The following CTNNA1 variants were observed in gnomAD, a reference collection of about 807,000 sequenced individuals.
CTNNA1 encodes catenin alpha-1.
A neutral mutation model predicts 98.4 loss-of-function variants in CTNNA1; 37 were observed. The ratio of observed to expected loss-of-function variants is 0.38; its 90% CI spans 0.29 to 0.49. CTNNA1 has a LOEUF of 0.49. CTNNA1 is among the 20% of genes least tolerant of loss of function. The pLI, the probability that CTNNA1 is intolerant of heterozygous loss-of-function variation, is 0.95. For synonymous variants in CTNNA1, 404 were observed against 413.2 expected (o/e 0.98, Z 0.27); for missense variants, 761 against 1,147.2 (o/e 0.66, Z 4.86).
At chr5:138,825,486 T>TTTTTTTTGTTTG (rs1554085160) in intron 6 of CTNNA1, among the ~76,000 whole-genome samples, 1 of 100,464 alleles carries the variant, frequency 1.0e-5, no homozygotes, top group Non-Finnish European at 2.1e-5. Context: ...GTATAAGTTT[T>TTTTTTTTGTTTG]TTTTTTTTTT....
At chr5:138,840,819 T>C (rs891976750) in intron 7 of CTNNA1, among the ~76,000 whole-genome samples, 8 of 152,346 alleles carry the variant, frequency 5.3e-5, no homozygotes, top group African/African-American at 1.9e-4. Flanking sequence ...ATTAAACAAA[T>C]TGGGTTTGTG....
intron 3 of CTNNA1, among the ~76,000 whole-genome samples, chr5:138,792,781 G>A (rs1756520848): frequency 6.6e-6 from 1 of 152,194 alleles, no homozygotes; most frequent in Non-Finnish European, 1.5e-5. Context: ...TGATGCTCTG[G>A]AAGAGCAGTA....
chr5:138,841,966 G>C (rs923827648), intron 7 of CTNNA1, among the ~76,000 whole-genome samples: 2 of 152,168 alleles, frequency 1.3e-5, no homozygotes, highest in African/African-American at 2.4e-5. Flanking sequence ...TGGTTTTATA[G>C]ATTCAAACAT....
In CTNNA1 at chr5:138,932,564, T is replaced by C. The variant is rs771565378; in HGVS notation, c.2299-14T>C. ...AGGCCAGGATACTTGGTGTTAAGCCTGCTCTCTCTTCAGTGCCCCGACTCG... is the reference window on the plus strand; with the variant it reads ...AGGCCAGGATACTTGGTGTTAAGCCCGCTCTCTCTTCAGTGCCCCGACTCG... On this transcript the variant is annotated splice_polypyrimidine_tract_variant and intron_variant, in intron 16 of 17. Transcript: ENST00000302763. 6.2e-7 allele frequency: 1 copy of C among 1,613,964 alleles called. No homozygotes were observed. Among genetic ancestry groups the C allele is most frequent in the South Asian group, 1.1e-5 (1 of 91,066 alleles).
intron 9 of CTNNA1, among the ~76,000 whole-genome samples, chr5:138,888,423 G>A (rs1170137239): frequency 6.6e-6 from 1 of 152,194 alleles, no homozygotes; most frequent in Non-Finnish European, 1.5e-5. Flanking sequence ...CTAATACTTG[G>A]TAAAGATATT....
At position 138,873,700 on chromosome 5, in the gene CTNNA1, G is replaced by A; in HGVS notation, c.1063-12512G>A. The stretch of plus-strand genomic sequence containing the variant: ...TCTTGGAATCAAGGCTGTTTAACTT[G>A]TTGTTATCCATGAGGAGTATTTTAA... On this transcript the variant is annotated intron_variant, in intron 7 of 17. Coordinates refer to ENST00000302763, the MANE Select transcript of CTNNA1 (RefSeq NM_001903.5). This position sits in a 1 kb window ranked among gnomAD's most constrained non-coding sequence, Gnocchi z 6.1. 1 of 1,614,006 alleles carries A rather than the reference G, an allele frequency of 6.2e-7. No homozygotes were observed. Among genetic ancestry groups the A allele is most frequent in the Non-Finnish European group, 8.5e-7 (1 of 1,179,886 alleles).
At chr5:138,766,366 A>T (rs1295840935) in intron 1 of CTNNA1, among the ~76,000 whole-genome samples, 1 of 151,892 alleles carries the variant, frequency 6.6e-6, no homozygotes, top group Non-Finnish European at 1.5e-5. Context: ...GAGACAGGTG[A>T]TAAGGCTGAC....
intron 7 of CTNNA1, among the ~76,000 whole-genome samples, chr5:138,862,314 G>A (rs986149059): frequency 6.6e-6 from 1 of 152,198 alleles, no homozygotes; most frequent in South Asian, 2.1e-4. Context: ...TGGAAGGGCT[G>A]CTTCCTAAAT....
rs1268015186 is a variant in CTNNA1 at position 138,874,773 on chromosome 5, C to T, written c.1063-11439C>T. The T allele has an allele frequency of 1.2e-5, 10 of 857,332 alleles. No homozygotes were observed. The highest frequency in any genetic ancestry group is 3.4e-5 in the African/African-American group (2 of 59,294). 53.1% of individuals were successfully genotyped at this position (857,332 alleles called of 1,614,324 possible). A position where few individuals can be genotyped will look rare whatever the true frequency, so the allele number is the denominator to read the frequency against. On this transcript the variant is annotated intron_variant, in intron 7 of 17. Coordinates refer to ENST00000302763, the MANE Select transcript of CTNNA1 (RefSeq NM_001903.5). This position sits in a 1 kb window ranked among gnomAD's most constrained non-coding sequence, Gnocchi z 4.1. Reference sequence around the variant, plus strand: ...AGATAAAACATGTCTCTGTCATCATCGATATATGCTTTTACCTAAACCTCA... The same window carrying T: ...AGATAAAACATGTCTCTGTCATCATTGATATATGCTTTTACCTAAACCTCA...
intron 4 of CTNNA1, among the ~76,000 whole-genome samples, chr5:138,810,828 G>T (rs1413599776): frequency 6.6e-6 from 1 of 152,214 alleles, no homozygotes; most frequent in African/African-American, 2.4e-5. Context: ...CGGGGTTTCG[G>T]CCGGGCAGAG....
In CTNNA1 at chr5:138,930,614, C is replaced by G. The variant is rs1477757426; in HGVS notation, c.2152C>G (p.Gln718Glu). The G allele has an allele frequency of 6.2e-7, 1 of 1,613,766 alleles. No individual in the cohort carries two copies. The highest frequency in any genetic ancestry group is 1.1e-5 in the South Asian group (1 of 90,946). ...CAATGACATCATTGTGCTGGCCAAG[C>G]AGATGTGCATGATTATGATGGAGAT... is the stretch of plus-strand genomic sequence containing the variant. ...SGNDIIVLAK[Q>E]MCMIMMEMTD... Residue 718 changes from glutamine (Q) to glutamate (E), a missense_variant, in exon 15 of 18, where the codon CAG (glutamine) becomes GAG (glutamate). Coordinates refer to ENST00000302763, the MANE Select transcript of CTNNA1 (RefSeq NM_001903.5).
At chr5:138,831,665 C>T (rs1169137812) in intron 7 of CTNNA1, among the ~76,000 whole-genome samples, 1 of 152,130 alleles carries the variant, frequency 6.6e-6, no homozygotes, top group Non-Finnish European at 1.5e-5. Context: ...TACATTATTT[C>T]TTTGGTGCTT....
intron 7 of CTNNA1, among the ~76,000 whole-genome samples, chr5:138,859,146 T>C (rs946795241): frequency 6.6e-6 from 1 of 152,234 alleles, no homozygotes; most frequent in Admixed American, 6.5e-5. Flanking sequence ...GATTAAAAAT[T>C]CCTTTGATAT....
chr5:138,764,958 C>G (rs1471819995), intron 1 of CTNNA1, among the ~76,000 whole-genome samples: 1 of 150,142 alleles, frequency 6.7e-6, no homozygotes, highest in Non-Finnish European at 1.5e-5. Flanking sequence ...ACTGCAGCCT[C>G]TGGCTCCAGG....
chr5:138,933,023 A>G, intron 17 of CTNNA1: 1 of 762,830 alleles, frequency 1.3e-6, no homozygotes. Flanking sequence ...AGTCCCAGCT[A>G]CTTGGGAGGC....
At chr5:138,830,605 T>C (rs1351657835) in intron 7 of CTNNA1, among the ~76,000 whole-genome samples, 1 of 152,200 alleles carries the variant, frequency 6.6e-6, no homozygotes, top group African/African-American at 2.4e-5. Context: ...CAGAAGCAAC[T>C]GGGGATAGAT....
chr5:138,874,552 T>G lies in CTNNA1; in HGVS notation c.1063-11660T>G. 2 of 1,543,402 alleles carry G rather than the reference T, an allele frequency of 1.3e-6. No individual in the cohort carries two copies. Among genetic ancestry groups the G allele is most frequent in the Non-Finnish European group, 1.8e-6 (2 of 1,135,614 alleles). On this transcript the variant is annotated intron_variant, in intron 7 of 17. Transcript: ENST00000302763. This position sits in a 1 kb window ranked among gnomAD's most constrained non-coding sequence, Gnocchi z 4.1. ...GGGCCCCTAATGGCCACTTGAAATGTAAGCCTGCAGAATATAATTTAAGGA... is the reference window on the plus strand; with the variant it reads ...GGGCCCCTAATGGCCACTTGAAATGGAAGCCTGCAGAATATAATTTAAGGA...
At chr5:138,840,491 A>G (rs180948020) in intron 7 of CTNNA1, among the ~76,000 whole-genome samples, 1 of 152,332 alleles carries the variant, frequency 6.6e-6, no homozygotes, top group Non-Finnish European at 1.5e-5. Context: ...AAAATATAAT[A>G]TAGTTTCTCC....
At chr5:138,933,015 T>C (rs1765727715) in intron 17 of CTNNA1, 1 of 764,070 alleles carries the variant, frequency 1.3e-6, no homozygotes. Context: ...TACCTGTAAG[T>C]CCCAGCTACT....
Sources: allele counts gnomAD v4.1 joint callset (sites outside exome capture counted in the v4.1 genomes callset), GRCh38; gene constraint gnomAD v4.1.1; non-coding constraint Gnocchi (gnomAD v3.1); transcripts MANE v1.5; gene names NCBI Gene and HGNC (gene_info 2026-07-23, HGNC 2026-07-21).